VAMP4: variants seen among roughly 807,000 people sequenced by gnomAD.
VAMP4 encodes vesicle-associated membrane protein 4.
A neutral mutation model predicts 23.5 loss-of-function variants in VAMP4; 19 were observed. That is an observed-to-expected ratio of 0.81 (90% CI 0.56 to 1.19). The LOEUF (loss-of-function observed/expected upper bound fraction) is 1.19, where lower values mean the gene tolerates loss of function less well. VAMP4 is among the 50% of genes most tolerant of loss of function. The probability of loss-of-function intolerance (pLI) is 0.00; values close to 1 mark genes in which losing one functional copy is unlikely to be tolerated. For synonymous variants in VAMP4, 31 were observed against 51.0 expected, an observed-to-expected ratio of 0.61 and a Z score of 1.67; for missense variants, 145 against 168.6, an observed-to-expected ratio of 0.86 and a Z score of 0.78.
Position 171,728,578 on chromosome 1 carries a change from A to G in VAMP4, c.67-8T>C. On this transcript the variant is annotated splice_region_variant and splice_polypyrimidine_tract_variant and intron_variant, in intron 2 of 7. Transcript: ENST00000236192. ...ATCTTCCAAAAGATTTCTCTGTCAA[A>G]AAAAGAAAAAGACTTGAGTTTTCAG... is the stretch of plus-strand genomic sequence containing the variant. The G allele has an allele frequency of 6.4e-7, 1 of 1,555,866 alleles. No homozygotes were observed. The highest frequency in any genetic ancestry group is 8.7e-7 in the Non-Finnish European group (1 of 1,153,794).
intron 2 of VAMP4, among the ~76,000 whole-genome samples, chr1:171,730,316 C>T (rs1442153649): frequency 6.6e-6 from 1 of 152,030 alleles, no homozygotes; most frequent in Non-Finnish European, 1.5e-5. Context: ...AAAACAAAGA[C>T]CTTAAGACTG....
chr1:171,703,987 T>C lies in VAMP4; in HGVS notation c.*519A>G, dbSNP rs1654565180. The C allele has an allele frequency of 6.6e-6, 1 of 152,468 alleles. No homozygotes were observed. The highest frequency in any genetic ancestry group is 2.4e-5 in the African/African-American group (1 of 41,448). 9.4% of individuals were successfully genotyped at this position (152,468 alleles called of 1,614,324 possible). On this transcript the variant is annotated 3_prime_UTR_variant, in exon 8 of 8. Coordinates refer to ENST00000236192, the MANE Select transcript of VAMP4 (RefSeq NM_003762.5). ...CCTGAGGGCAACAACATTTACAACA[T>C]TTAGCTTTTGTTACACCTATAAATG...
intron 3 of VAMP4, among the ~76,000 whole-genome samples, chr1:171,723,161 AG>A (rs147781037): frequency 0.011 from 1,689 of 152,286 alleles, 39 homozygotes; most frequent in African/African-American, 0.039. Flanking sequence ...TGGATTATAG[AG>A]ATCACATGCT....
At chr1:171,723,771 GCACAGGAAAT>G (rs998509619) in intron 3 of VAMP4, among the ~76,000 whole-genome samples, 21 of 152,168 alleles carry the variant, frequency 1.4e-4, no homozygotes, top group African/African-American at 5.1e-4. Flanking sequence ...GTAAAGACAG[GCACAGGAAAT>G]CACAAGAGTA....
At chr1:171,720,584 T>G (rs971414366) in intron 3 of VAMP4, among the ~76,000 whole-genome samples, 2 of 152,016 alleles carry the variant, frequency 1.3e-5, no homozygotes, top group African/African-American at 4.8e-5. Flanking sequence ...ATATAAGATT[T>G]ATTAACAGAA....
chr1:171,712,320 G>T (rs530563008), intron 4 of VAMP4, among the ~76,000 whole-genome samples: 2 of 152,118 alleles, frequency 1.3e-5, no homozygotes, highest in Non-Finnish European at 2.9e-5. Flanking sequence ...TAAGTGAGGG[G>T]TGAGGCACAG....
intron 1 of VAMP4, among the ~76,000 whole-genome samples, chr1:171,739,442 T>C (rs1655854898): frequency 6.6e-6 from 1 of 152,186 alleles, no homozygotes; most frequent in South Asian, 2.1e-4. Flanking sequence ...TCTCTATCCT[T>C]TATAATAAAC....
chr1:171,728,223 T>C (rs1655438194), intron 3 of VAMP4, among the ~76,000 whole-genome samples: 1 of 152,200 alleles, frequency 6.6e-6, no homozygotes. Flanking sequence ...GTCCTGCATA[T>C]CCACATTGTA....
intron 4 of VAMP4, among the ~76,000 whole-genome samples, chr1:171,715,671 T>G (rs150987359): frequency 6.6e-6 from 1 of 152,278 alleles, no homozygotes; most frequent in African/African-American, 2.4e-5. Context: ...GCCCTTCGAT[T>G]AAGAAACAAA....
At chr1:171,724,262 G>C (rs1389668483) in intron 3 of VAMP4, among the ~76,000 whole-genome samples, 1 of 139,438 alleles carries the variant, frequency 7.2e-6, no homozygotes, top group Non-Finnish European at 1.5e-5. Context: ...TCATAGGTGG[G>C]AACTGAACAA....
At chr1:171,734,124 T>G (rs1005507027) in intron 2 of VAMP4, among the ~76,000 whole-genome samples, 2 of 151,848 alleles carry the variant, frequency 1.3e-5, no homozygotes, top group Non-Finnish European at 2.9e-5. Flanking sequence ...AAAAATTAGC[T>G]GGGCGTGGTG....
chr1:171,715,958 G>A (rs996318875), intron 4 of VAMP4, among the ~76,000 whole-genome samples: 8 of 152,172 alleles, frequency 5.3e-5, no homozygotes, highest in African/African-American at 1.9e-4. Context: ...CTGTGACTGT[G>A]CCACTGCACT....
intron 7 of VAMP4, 42 bp downstream of exon 7, chr1:171,706,325 A>G (rs1172409410): frequency 6.4e-7 from 1 of 1,567,222 alleles, no homozygotes; most frequent in Non-Finnish European, 8.7e-7. Flanking sequence ...GAACTCCAAA[A>G]TAAATGATAC....
At chr1:171,736,648 A>AAAAAC (rs59682689) in intron 2 of VAMP4, among the ~76,000 whole-genome samples, 1,714 of 150,068 alleles carry the variant, frequency 0.011, 14 homozygotes, top group South Asian at 0.019. Context: ...TTCCCCATTA[A>AAAAAC]AAAACAAAAC....
chr1:171,709,924 A>C (rs1654793932), intron 5 of VAMP4, among the ~76,000 whole-genome samples, 180 bp from the exon 6 acceptor site: 1 of 152,180 alleles, frequency 6.6e-6, no homozygotes, highest in South Asian at 2.1e-4. Flanking sequence ...TTATTAAAAA[A>C]ATGAAAACAA....
At chr1:171,721,386 T>C (rs1244075711) in intron 3 of VAMP4, among the ~76,000 whole-genome samples, 1 of 152,138 alleles carries the variant, frequency 6.6e-6, no homozygotes, top group Admixed American at 6.6e-5. Flanking sequence ...GAAAGCATAA[T>C]TGTTCTATGT....
intron 7 of VAMP4, among the ~76,000 whole-genome samples, chr1:171,705,286 G>A (rs1654614339): frequency 6.6e-6 from 1 of 152,110 alleles, no homozygotes; most frequent in Non-Finnish European, 1.5e-5. Context: ...TTTGCCTAAT[G>A]TGTATTTTTT....
chr1:171,704,784 A>G (rs1014243029), intron 7 of VAMP4, among the ~76,000 whole-genome samples: 3 of 152,060 alleles, frequency 2.0e-5, no homozygotes, highest in African/African-American at 7.2e-5. Context: ...TGCTGTTAAA[A>G]TATTACTAAA....
At position 171,728,710 on chromosome 1, in the gene VAMP4, C is replaced by T. The variant is rs1433310100; in HGVS notation, c.67-140G>A. On this transcript the variant is annotated intron_variant, in intron 2 of 7. Transcript: ENST00000236192. ...TAAAGAGGGAAAAGTAATTACATAT[C>T]CTTCACTGGAAGCTAAAAGATGTGG... The T allele has an allele frequency of 9.5e-6, 7 of 736,176 alleles. No homozygotes were observed. In the Admixed American group the frequency reaches 1.8e-4, roughly 19 times the overall value. The allele number at this position is 736,176 out of a possible 1,614,324, so 45.6% of individuals were successfully genotyped here.
Sources: allele counts gnomAD v4.1 joint callset (sites outside exome capture counted in the v4.1 genomes callset), GRCh38; gene constraint gnomAD v4.1.1; transcripts MANE v1.5; gene names NCBI Gene and HGNC (gene_info 2026-07-23, HGNC 2026-07-21).